Variants in DPYD observed in about 807,000 individuals in gnomAD.
DPYD encodes the protein dihydropyrimidine dehydrogenase.
In DPYD, 109 loss-of-function variants were observed where a neutral mutation model predicts 116.2. The ratio of observed to expected loss-of-function variants is 0.94; its 90% confidence interval spans 0.80 to 1.10. The LOEUF (loss-of-function observed/expected upper bound fraction) is 1.10, where lower values mean the gene tolerates loss of function less well. Ranked by LOEUF, DPYD falls within the 50% of genes least tolerant of loss-of-function variation. DPYD has a pLI of 0.00. For synonymous variants in DPYD, 440 were observed against 432.0 expected, an observed-to-expected ratio of 1.02 and a Z score of -0.23; for missense variants, 1,302 against 1,254.5, an observed-to-expected ratio of 1.04 and a Z score of -0.57.
chr1:97,102,099 T>C (rs904116545), intron 20 of DPYD, among the ~76,000 whole-genome samples: 1 of 152,006 alleles, frequency 6.6e-6, no homozygotes, highest in Non-Finnish European at 1.5e-5. Flanking sequence ...AATTTATTCA[T>C]GGATCAATCT....
chr1:97,627,858 A>C (rs1042477925), intron 8 of DPYD, among the ~76,000 whole-genome samples: 1 of 151,686 alleles, frequency 6.6e-6, no homozygotes, highest in Admixed American at 6.6e-5. Flanking sequence ...CATATACAAA[A>C]AATAACATTA....
intron 8 of DPYD, among the ~76,000 whole-genome samples, chr1:97,605,860 C>T (rs1013577064): frequency 6.6e-6 from 1 of 151,878 alleles, no homozygotes; most frequent in Non-Finnish European, 1.5e-5. Context: ...CATATGCATA[C>T]CTTTCTTGAT....
At chr1:97,260,078 C>T (rs72726660) in intron 18 of DPYD, among the ~76,000 whole-genome samples, 1,573 of 152,190 alleles carry the variant, frequency 0.01, 28 homozygotes, top group Middle Eastern at 0.045. Context: ...TCTCAAAAAG[C>T]GCTGTAGGTT....
chr1:97,525,885 TGC>T lies in DPYD; in HGVS notation c.1525-9946_1525-9945del, dbSNP rs1350535659. Among the ~76,000 whole-genome samples the T allele has an allele frequency of 6.8e-4, 45 of 65,980 alleles. 1 individual carries two copies. The East Asian group carries it at 0.036, about 54-fold the overall frequency. 43.3% of individuals were successfully genotyped at this position (65,980 alleles called of 152,430 possible). On this transcript the variant is annotated intron_variant, in intron 12 of 22. Transcript: ENST00000370192. ...TTAAGAGTGTGCGTGTGTGTGTGTG[TGC>T]GCGCGCGCGTGTGTGTGTGTGTGTG...
chr1:97,831,952 A>C (rs1669555433), intron 2 of DPYD, among the ~76,000 whole-genome samples: 2 of 152,072 alleles, frequency 1.3e-5, no homozygotes, highest in South Asian at 4.1e-4. Flanking sequence ...TAACAGGCAC[A>C]GGTTAGCTCT....
intron 4 of DPYD, among the ~76,000 whole-genome samples, chr1:97,726,878 A>G (rs539154848): frequency 9.2e-5 from 14 of 151,850 alleles, no homozygotes; most frequent in African/African-American, 2.9e-4. Flanking sequence ...TAAAATATTT[A>G]AAGTTATACT....
rs939057733 is a variant in DPYD at position 97,816,286 on chromosome 1, G to GA, written c.233+11827dup. ...CCATCTCCTTTCACTCAAAAAAAGA[G>GA]AAAAAAAAAAGAAAATACAAAAACA... On this transcript the variant is annotated intron_variant, in intron 3 of 22. Coordinates refer to ENST00000370192, the MANE Select transcript of DPYD (RefSeq NM_000110.4). 3.4e-4 allele frequency among the ~76,000 whole-genome samples: 46 copies of GA among 134,196 alleles called. No individual in the cohort carries two copies. In the South Asian group the frequency reaches 3.5e-3, roughly 10 times the overall value. 88.0% of individuals were successfully genotyped at this position (134,196 alleles called of 152,430 possible).
chr1:97,686,210 C>T (rs571944816), intron 7 of DPYD, among the ~76,000 whole-genome samples: 2 of 152,050 alleles, frequency 1.3e-5, no homozygotes, highest in Non-Finnish European at 2.9e-5. Context: ...ACAAACCTGA[C>T]AAAAACAAGC....
chr1:97,841,997 A>G (rs1313238500), intron 2 of DPYD, among the ~76,000 whole-genome samples: 2 of 151,798 alleles, frequency 1.3e-5, no homozygotes, highest in East Asian at 3.8e-4. Context: ...CATTATTATT[A>G]AAATTAAATA....
chr1:97,782,332 C>T (rs900441804), intron 3 of DPYD, among the ~76,000 whole-genome samples: 11 of 152,208 alleles, frequency 7.2e-5, no homozygotes, highest in African/African-American at 2.7e-4. Context: ...TTCTTTCAAA[C>T]CCACTATCCC....
intron 16 of DPYD, among the ~76,000 whole-genome samples, chr1:97,317,958 G>A (rs1164087152): frequency 6.6e-6 from 1 of 151,874 alleles, no homozygotes; most frequent in Non-Finnish European, 1.5e-5. Flanking sequence ...TTTCAACCCA[G>A]AATTTCATAT....
chr1:97,902,825 G>C (rs1485341833), intron 1 of DPYD, among the ~76,000 whole-genome samples: 2 of 151,642 alleles, frequency 1.3e-5, no homozygotes, highest in African/African-American at 4.8e-5. Context: ...TTCTTAAATG[G>C]AGCATACCAC....
chr1:97,646,827 C>T (rs1346528896), intron 8 of DPYD, among the ~76,000 whole-genome samples: 2 of 152,040 alleles, frequency 1.3e-5, no homozygotes, highest in Admixed American at 1.3e-4. Context: ...GGATAGGACA[C>T]TACTTGCAAA....
chr1:97,499,065 G>A (rs1463764254), intron 13 of DPYD, among the ~76,000 whole-genome samples: 2 of 151,648 alleles, frequency 1.3e-5, no homozygotes, highest in Non-Finnish European at 3.0e-5. Context: ...AAGATGAAAA[G>A]TTGAGTGGAT....
chr1:97,850,363 G>T (rs1670510948), intron 2 of DPYD, among the ~76,000 whole-genome samples: 1 of 152,140 alleles, frequency 6.6e-6, no homozygotes. Context: ...AACTTCTAAA[G>T]TAGGTATTAA....
intron 5 of DPYD, among the ~76,000 whole-genome samples, chr1:97,703,590 T>A (rs1661729431): frequency 6.6e-6 from 1 of 152,072 alleles, no homozygotes; most frequent in African/African-American, 2.4e-5. Flanking sequence ...CCACATTTGA[T>A]TAAGTTCAAA....
intron 19 of DPYD, among the ~76,000 whole-genome samples, chr1:97,233,363 A>C (rs943484100): frequency 2.0e-5 from 3 of 152,112 alleles, no homozygotes; most frequent in Admixed American, 2.0e-4. Context: ...CTACTGCAGA[A>C]GGGGGGAGGA....
intron 2 of DPYD, among the ~76,000 whole-genome samples, chr1:97,861,168 T>C (rs1339119142): frequency 6.6e-6 from 1 of 152,036 alleles, no homozygotes; most frequent in African/African-American, 2.4e-5. Flanking sequence ...AAATGATAAC[T>C]ATTTTGTACT....
chr1:97,366,173 GATTTCCTGT>G (rs2101467159), intron 16 of DPYD, among the ~76,000 whole-genome samples: 1 of 152,232 alleles, frequency 6.6e-6, no homozygotes, highest in East Asian at 1.9e-4. Context: ...GTCTCTTACA[GATTTCCTGT>G]AGTTTATCTA....
Sources: gnomAD v4.1 joint callset for allele counts (sites outside exome capture counted in the v4.1 genomes callset) on GRCh38, gnomAD v4.1.1 for gene constraint, MANE v1.5 for transcripts, NCBI Gene and HGNC (gene_info 2026-07-23, HGNC 2026-07-21) for gene names.